KLHL20: variants seen among roughly 807,000 people sequenced by gnomAD.
The protein encoded by KLHL20 is kelch-like protein 20.
A neutral mutation model predicts 69.5 loss-of-function variants in KLHL20; 29 were observed. That is an observed-to-expected ratio of 0.42 (90% confidence interval 0.31 to 0.57). The LOEUF (loss-of-function observed/expected upper bound fraction) is 0.57. Among genes scored for constraint, KLHL20 ranks in the 20% least tolerant of loss-of-function variants. The pLI is 0.18. For missense variants in KLHL20, 419 were observed against 776.0 expected (o/e 0.54, Z 5.47); for synonymous variants, 253 against 265.2 (o/e 0.95, Z 0.45).
Position 173,715,058 on chromosome 1 carries a change from G to A in KLHL20, c.-62G>A, listed in dbSNP as rs1671404177. On this transcript the variant is annotated 5_prime_UTR_variant, in exon 1 of 12. Coordinates refer to ENST00000209884, the MANE Select transcript of KLHL20 (RefSeq NM_014458.4). ...GGAGTAGACGGAGGAGGCTGCTGCA[G>A]AGAAGAAAGTGTCAGAGCCGGTAAG... 6.6e-6 allele frequency: 1 copy of A among 152,596 alleles called. No individual in the cohort carries two copies. The highest frequency in any genetic ancestry group is 6.5e-5 in the Admixed American group (1 of 15,292). The allele number at this position is 152,596 out of a possible 1,614,324, so 9.5% of individuals were successfully genotyped here. A position where few individuals can be genotyped will look rare whatever the true frequency, so the allele number is the denominator to read the frequency against.
intron 3 of KLHL20, among the ~76,000 whole-genome samples, chr1:173,743,518 T>C (rs1672922530): frequency 1.3e-5 from 2 of 151,118 alleles, no homozygotes; most frequent in South Asian, 4.1e-4. Flanking sequence ...CTTACTATGA[T>C]GGTTGCAAAG....
At position 173,785,341 on chromosome 1, in the gene KLHL20, T is replaced by G; in HGVS notation, c.*94T>G. On this transcript the variant is annotated 3_prime_UTR_variant, in exon 12 of 12. Coordinates refer to ENST00000209884, the MANE Select transcript of KLHL20 (RefSeq NM_014458.4). ...AGCTTGAGAAAACATTAGAACAAAT[T>G]TTATTATTTGCCGGTGCCTCAACAA... is the stretch of plus-strand genomic sequence containing the variant. 1 of 752,022 alleles carries G rather than the reference T, an allele frequency of 1.3e-6. No individual in the cohort carries two copies. Among genetic ancestry groups the G allele is most frequent in the South Asian group, 2.6e-5 (1 of 38,066 alleles). 46.6% of individuals were successfully genotyped at this position (752,022 alleles called of 1,614,324 possible). A position where few individuals can be genotyped will look rare whatever the true frequency, so the allele number is the denominator to read the frequency against.
chr1:173,772,342 A>G (rs1648149320), intron 8 of KLHL20, among the ~76,000 whole-genome samples: 1 of 152,348 alleles, frequency 6.6e-6, no homozygotes, highest in East Asian at 1.9e-4. Context: ...AGATGTTCCC[A>G]CTGACCAAAG....
rs182066392 is a variant in KLHL20 at position 173,726,108 on chromosome 1, C to A, written c.24-7605C>A. Among the ~76,000 whole-genome samples the A allele has an allele frequency of 4.9e-3, 744 of 152,310 alleles. 6 individuals carry two copies. Among genetic ancestry groups the A allele is most frequent in the African/African-American group, 0.016 (685 of 41,572 alleles). ...CACGCCAGGAGATTATATCCCGCGC[C>A]TGGCTCAGAGGGTCCTACGCCCACA... On this transcript the variant is annotated intron_variant, in intron 2 of 11. Transcript: ENST00000209884.
chr1:173,723,014 G>A (rs966672089), intron 2 of KLHL20, among the ~76,000 whole-genome samples: 4 of 152,054 alleles, frequency 2.6e-5, no homozygotes, highest in South Asian at 2.1e-4. Flanking sequence ...AAAGAAAAAC[G>A]GAGACATTAG....
At chr1:173,717,699 A>G (rs57740496) in intron 2 of KLHL20, among the ~76,000 whole-genome samples, 9,281 of 152,178 alleles carry the variant, frequency 0.061, 1,000 homozygotes, top group African/African-American at 0.21. Context: ...ATGTCTTCCT[A>G]TATTTGCATC....
At chr1:173,781,418 C>T (rs961314383) in intron 10 of KLHL20, among the ~76,000 whole-genome samples, 8 of 151,944 alleles carry the variant, frequency 5.3e-5, no homozygotes, top group South Asian at 2.1e-4. Flanking sequence ...CAGGCTCAAG[C>T]AGTCCTCCTG....
intron 8 of KLHL20, among the ~76,000 whole-genome samples, chr1:173,773,024 T>A (rs1169827107): frequency 6.6e-6 from 1 of 152,206 alleles, no homozygotes; most frequent in East Asian, 1.9e-4. Flanking sequence ...TCACCCAGGC[T>A]GGAGTGCAGT....
intron 8 of KLHL20, among the ~76,000 whole-genome samples, chr1:173,772,501 CATAAA>C (rs1648157519): frequency 6.6e-6 from 1 of 152,160 alleles, no homozygotes; most frequent in Non-Finnish European, 1.5e-5. Context: ...TATCTCAAAA[CATAAA>C]ATGAAGTGAA....
chr1:173,784,972 CCTG>C (rs1649113989), intron 11 of KLHL20, among the ~76,000 whole-genome samples, 188 bp from the exon 12 acceptor site: 2 of 152,284 alleles, frequency 1.3e-5, no homozygotes, highest in Admixed American at 1.3e-4. Flanking sequence ...CTGAAACAGT[CCTG>C]CTACTCAACA....
intron 3 of KLHL20, among the ~76,000 whole-genome samples, chr1:173,737,302 A>G (rs12086164): frequency 1.7e-4 from 26 of 152,350 alleles, no homozygotes; most frequent in African/African-American, 5.5e-4. Context: ...TGCCTGAGCC[A>G]ATGTCTAGAA....
At chr1:173,779,854 T>C (rs1648741657) in intron 10 of KLHL20, among the ~76,000 whole-genome samples, 1 of 152,186 alleles carries the variant, frequency 6.6e-6, no homozygotes, top group Admixed American at 6.5e-5. Context: ...TTTGAGTCTA[T>C]CCTATCTATA....
chr1:173,784,617 T>G (rs1181565752), intron 11 of KLHL20, among the ~76,000 whole-genome samples: 1 of 152,244 alleles, frequency 6.6e-6, no homozygotes, highest in Non-Finnish European at 1.5e-5. Flanking sequence ...TCTAGTATTC[T>G]TCTCCATGGA....
intron 2 of KLHL20, among the ~76,000 whole-genome samples, chr1:173,719,910 C>G (rs1214986375): frequency 1.3e-5 from 2 of 152,136 alleles, no homozygotes; most frequent in African/African-American, 4.8e-5. Context: ...TAGTACCACT[C>G]TATTCCTGTA....
At chr1:173,728,224 A>T (rs530401912) in intron 2 of KLHL20, among the ~76,000 whole-genome samples, 1 of 152,364 alleles carries the variant, frequency 6.6e-6, no homozygotes, top group African/African-American at 2.4e-5. Context: ...CCAATACAGG[A>T]GCATCCAGAT....
At chr1:173,776,246 T>G (rs1264357598) in intron 10 of KLHL20, among the ~76,000 whole-genome samples, 1 of 152,220 alleles carries the variant, frequency 6.6e-6, no homozygotes, top group Non-Finnish European at 1.5e-5. Flanking sequence ...GAGAAAGGTC[T>G]ATTCAGATCT....
chr1:173,765,502 CA>C (rs533264382), intron 7 of KLHL20, among the ~76,000 whole-genome samples: 5,829 of 127,592 alleles, frequency 0.046, 135 homozygotes, highest in Non-Finnish European at 0.067. Context: ...GACTCCGTCT[CA>C]AAAAAAAAAA....
At chr1:173,735,936 C>CTTTTTTT (rs769632286) in intron 3 of KLHL20, among the ~76,000 whole-genome samples, 20 of 105,990 alleles carry the variant, frequency 1.9e-4, no homozygotes, top group Non-Finnish European at 2.5e-4. Flanking sequence ...GCCATTCTAT[C>CTTTTTTT]TTTTTTTTTT....
intron 7 of KLHL20, among the ~76,000 whole-genome samples, chr1:173,757,664 CAAAAAAA>C (rs906943946): frequency 3.4e-5 from 2 of 59,060 alleles, no homozygotes; most frequent in Non-Finnish European, 6.9e-5. Context: ...GACTCCTTCT[CAAAAAAA>C]AAAAAAAAAG....
Sources: allele counts gnomAD v4.1 joint callset (sites outside exome capture counted in the v4.1 genomes callset), GRCh38; gene constraint gnomAD v4.1.1; transcripts MANE v1.5; gene names NCBI Gene and HGNC (gene_info 2026-07-23, HGNC 2026-07-21).